The following RTN4R variants were observed in gnomAD, a reference collection of about 807,000 sequenced individuals.
The protein encoded by RTN4R is reticulon-4 receptor.
A neutral mutation model predicts 27.7 loss-of-function variants in RTN4R; 4 were observed. The ratio of observed to expected loss-of-function variants is 0.14; its 90% confidence interval spans 0.07 to 0.33. The LOEUF (loss-of-function observed/expected upper bound fraction) is 0.33, where lower values mean the gene tolerates loss of function less well. RTN4R is among the 10% of genes least tolerant of loss of function. The pLI is 1.00. For missense variants in RTN4R, 554 were observed against 671.5 expected (o/e 0.83, Z 1.93); for synonymous variants, 290 against 305.6 (o/e 0.95, Z 0.53).
intron 1 of RTN4R, among the ~76,000 whole-genome samples, chr22:20,244,563 G>A (rs577922395): frequency 6.6e-6 from 1 of 152,320 alleles, no homozygotes; most frequent in African/African-American, 2.4e-5. Flanking sequence ...AGGGATGGGG[G>A]TCCGGAGGCC....
At chr22:20,258,144 A>G (rs948286831) in intron 1 of RTN4R, among the ~76,000 whole-genome samples, 2 of 152,178 alleles carry the variant, frequency 1.3e-5, no homozygotes, top group African/African-American at 4.8e-5. Flanking sequence ...TGCAGCCAGG[A>G]AGTGCTCTGC....
At chr22:20,247,841 A>C (rs1241666351) in intron 1 of RTN4R, among the ~76,000 whole-genome samples, 1 of 152,232 alleles carries the variant, frequency 6.6e-6, no homozygotes, top group Non-Finnish European at 1.5e-5. Context: ...CTCCAGGCCT[A>C]GCTAGCTACA....
intron 1 of RTN4R, among the ~76,000 whole-genome samples, chr22:20,256,988 T>G (rs1269040251): frequency 6.6e-6 from 1 of 152,248 alleles, no homozygotes; most frequent in African/African-American, 2.4e-5. Context: ...GTAGCTTGTT[T>G]CTGTCGGTTG....
Position 20,255,456 on chromosome 22 carries a change from C to T in RTN4R, c.23-12346G>A, listed in dbSNP as rs948073679. 1.9e-4 allele frequency among the ~76,000 whole-genome samples: 29 copies of T among 152,276 alleles called. No homozygotes were observed. Among genetic ancestry groups the T allele is most frequent in the African/African-American group, 4.8e-4 (20 of 41,554 alleles). ...ACATGCTGCTTTTTGGTCCCCTGCTCGGCCAAGGGTGGCTGAGGATACATC... is the reference window on the plus strand; with the variant it reads ...ACATGCTGCTTTTTGGTCCCCTGCTTGGCCAAGGGTGGCTGAGGATACATC... On this transcript the variant is annotated intron_variant, in intron 1 of 1. Transcript: ENST00000043402. The surrounding 1 kb of genome is among the most constrained non-coding windows in gnomAD (Gnocchi z 4.8).
At chr22:20,267,807 C>G (rs936025164) in intron 1 of RTN4R, 52 of 376,108 alleles carry the variant, frequency 1.4e-4, no homozygotes, top group Non-Finnish European at 2.4e-4. Context: ...CGGGGACCCT[C>G]GGACCGCCAC....
intron 1 of RTN4R, among the ~76,000 whole-genome samples, chr22:20,249,983 C>T (rs914782346): frequency 1.5e-4 from 23 of 152,342 alleles, no homozygotes; most frequent in Non-Finnish European, 3.1e-4. Context: ...AGAAACTGAG[C>T]TGGGGGCAGC....
At position 20,241,916 on chromosome 22, in the gene RTN4R, G is replaced by T; in HGVS notation, c.1217C>A (p.Pro406Gln). The change falls in exon 2 of 2, where the codon CCA becomes CAA. Residue 406 changes from proline to glutamine, a missense_variant. Pro to Gln is a moderately conservative substitution (Grantham distance 76, BLOSUM62 -1). This residue lies in a region of RTN4R where 141 missense variants were observed against 129.2 expected (regional missense o/e 1.09). Transcript: ENST00000043402. ...TAVRPEGSEP[P>Q]GFPTSGPRRR... ...GCGAGGGCCCGAGGTGGGGAACCCT[G>T]GTGGCTCGGAGCCCTCGGGCCGCAC... 6.2e-7 allele frequency: 1 copy of T among 1,605,928 alleles called. No homozygotes were observed.
chr22:20,260,951 C>T (rs920364491), intron 1 of RTN4R, among the ~76,000 whole-genome samples: 3 of 152,170 alleles, frequency 2.0e-5, no homozygotes, highest in African/African-American at 4.8e-5. Context: ...TAGCCCTGCC[C>T]GGACCCTGTG....
chr22:20,254,865 C>A (rs1441050310), intron 1 of RTN4R, among the ~76,000 whole-genome samples: 3 of 152,094 alleles, frequency 2.0e-5, no homozygotes, highest in African/African-American at 7.2e-5. Flanking sequence ...GGGTAAAAAA[C>A]ATCAACTGTA....
chr22:20,268,111 C>A lies in RTN4R; in HGVS notation c.-19G>T. 2 of 1,159,662 alleles carry A rather than the reference C, an allele frequency of 1.7e-6. No homozygotes were observed. The highest frequency in any genetic ancestry group is 4.4e-5 in the East Asian group (1 of 22,972). 71.8% of individuals were successfully genotyped at this position (1,159,662 alleles called of 1,614,324 possible). On this transcript the variant is annotated 5_prime_UTR_variant, in exon 1 of 2. Transcript: ENST00000043402. ...TCTTCATCGTAGGGGTTGGGCGGGG[C>A]GCGTCGGGGACTGAAAGTCGTTTCG...
At chr22:20,251,817 T>C (rs1602644031) in intron 1 of RTN4R, among the ~76,000 whole-genome samples, 24 of 58,920 alleles carry the variant, frequency 4.1e-4, no homozygotes, top group East Asian at 5.6e-4. Flanking sequence ...TCACCAACAC[T>C]ATCACCATCA....
At chr22:20,251,684 CCAT>C (rs1380418793) in intron 1 of RTN4R, among the ~76,000 whole-genome samples, 2 of 100,374 alleles carry the variant, frequency 2.0e-5, no homozygotes, top group Non-Finnish European at 4.3e-5. Flanking sequence ...ATCCTCAACA[CCAT>C]CATCACCATC....
Position 20,255,424 on chromosome 22 carries a change from A to T in RTN4R, c.23-12314T>A, listed in dbSNP as rs5993940. Among the ~76,000 whole-genome samples, 1,475 of 152,296 alleles carry T rather than the reference A, an allele frequency of 9.7e-3. 27 individuals are homozygous for T. The highest frequency in any genetic ancestry group is 0.034 in the African/African-American group (1,399 of 41,552). ...CAGGGCAGCTGGCATCTGGCCAGGGAGGATCCACATGCTGCTTTTTGGTCC... is the reference window on the plus strand; with the variant it reads ...CAGGGCAGCTGGCATCTGGCCAGGGTGGATCCACATGCTGCTTTTTGGTCC... On this transcript the variant is annotated intron_variant, in intron 1 of 1. Coordinates refer to ENST00000043402, the MANE Select transcript of RTN4R (RefSeq NM_023004.6). This position sits in a 1 kb window ranked among gnomAD's most constrained non-coding sequence, Gnocchi z 4.8.
chr22:20,261,501 C>T (rs540533344), intron 1 of RTN4R, among the ~76,000 whole-genome samples: 1 of 152,206 alleles, frequency 6.6e-6, no homozygotes, highest in African/African-American at 2.4e-5. Context: ...TCCAGCTTCA[C>T]GATAGCCACG....
chr22:20,253,652 T>C (rs2051196829), intron 1 of RTN4R, among the ~76,000 whole-genome samples: 1 of 151,946 alleles, frequency 6.6e-6, no homozygotes, highest in Admixed American at 6.6e-5. Flanking sequence ...AACATATCAA[T>C]GCAGAAAAAG....
chr22:20,244,485 C>T (rs1370983892), intron 1 of RTN4R, among the ~76,000 whole-genome samples: 1 of 152,232 alleles, frequency 6.6e-6, no homozygotes, highest in Admixed American at 6.5e-5. Flanking sequence ...TCCCCACAGC[C>T]TGGGGGCCTC....
At chr22:20,246,655 C>A (rs1652436517) in intron 1 of RTN4R, among the ~76,000 whole-genome samples, 1 of 152,320 alleles carries the variant, frequency 6.6e-6, no homozygotes, top group East Asian at 1.9e-4. Context: ...TCCCTGGCCC[C>A]CACTGTTCCT....
chr22:20,261,360 G>C (rs1279627650), intron 1 of RTN4R, among the ~76,000 whole-genome samples: 3 of 152,216 alleles, frequency 2.0e-5, no homozygotes, highest in Non-Finnish European at 4.4e-5. Flanking sequence ...GTCCAGGCCA[G>C]GAAAGGGCGT....
rs2051292851 is a variant in RTN4R, at chr22:20,268,302, C to CGCG, written c.-211_-210insCGC. ...GCGCGCAGGGCGCACAGGGCGAGGGCGGCGGCGGCGCGGGGGTTGGGGCGT... is the reference window on the plus strand; with the variant it reads ...GCGCGCAGGGCGCACAGGGCGAGGGCGCGGGCGGCGGCGCGGGGGTTGGGGCGT... On this transcript the variant is annotated 5_prime_UTR_variant, in exon 1 of 2. Transcript: ENST00000043402. 5 of 890 alleles carry CGCG rather than the reference C, an allele frequency of 5.6e-3. No homozygotes were observed. The highest frequency in any genetic ancestry group is 0.015 in the Admixed American group (1 of 68). 0.1% of individuals were successfully genotyped at this position (890 alleles called of 1,614,324 possible).
Sources: gnomAD v4.1 joint callset for allele counts (sites outside exome capture counted in the v4.1 genomes callset) on GRCh38, gnomAD v4.1.1 for gene constraint, gnomAD v4.1.1 regional missense constraint, Gnocchi (gnomAD v3.1) non-coding constraint, MANE v1.5 for transcripts, NCBI Gene and HGNC (gene_info 2026-07-23, HGNC 2026-07-21) for gene names.